CSMD1: variants seen among roughly 807,000 people sequenced by gnomAD.
CSMD1 encodes the protein CUB and Sushi multiple domains 1.
Under a neutral mutation model 417.5 loss-of-function variants are expected in CSMD1, and 213 were observed. The ratio of observed to expected loss-of-function variants is 0.51; its 90% CI spans 0.46 to 0.57. The LOEUF (loss-of-function observed/expected upper bound fraction) is 0.57, where lower values mean the gene tolerates loss of function less well. CSMD1 is among the 20% of genes least tolerant of loss of function. The pLI, the probability that CSMD1 is intolerant of heterozygous loss-of-function variation, is 0.00. For synonymous variants in CSMD1, 2,862 were observed against 1,736.8 expected (o/e 1.65, Z -16.11); for missense variants, 6,923 against 4,529.7 (o/e 1.53, Z -15.17).
In CSMD1 at chr8:2,936,091, T is replaced by C. The variant is rs1005140757; in HGVS notation, c.*2494A>G. 4 of 152,022 alleles carry C rather than the reference T, an allele frequency of 2.6e-5. No homozygotes were observed. The highest frequency in any genetic ancestry group is 7.2e-5 in the African/African-American group (3 of 41,390). The allele number at this position is 152,022 out of a possible 1,614,324, so 9.4% of individuals were successfully genotyped here. On this transcript the variant is annotated 3_prime_UTR_variant, in exon 70 of 70. Coordinates refer to ENST00000635120, the MANE Select transcript of CSMD1 (RefSeq NM_033225.6). Reference sequence around the variant, plus strand: ...ACTGCACACAACCTTAGGAAGAAACTAGGCAGAATTCTCACACGAGAATTT... The same window carrying C: ...ACTGCACACAACCTTAGGAAGAAACCAGGCAGAATTCTCACACGAGAATTT...
chr8:4,034,853 A>C (rs1442106202), intron 3 of CSMD1, among the ~76,000 whole-genome samples: 2 of 152,198 alleles, frequency 1.3e-5, no homozygotes, highest in Non-Finnish European at 2.9e-5. Flanking sequence ...TTGTTCCCCA[A>C]AGACACGGTT....
At chr8:3,988,513 G>C (rs912375738) in intron 5 of CSMD1, among the ~76,000 whole-genome samples, 2 of 152,190 alleles carry the variant, frequency 1.3e-5, no homozygotes, top group East Asian at 3.9e-4. Flanking sequence ...AGAGCTGAAC[G>C]ATTGTCAGAA....
chr8:4,003,856 C>T (rs933240491), intron 4 of CSMD1, among the ~76,000 whole-genome samples: 1 of 135,004 alleles, frequency 7.4e-6, no homozygotes, highest in Non-Finnish European at 1.6e-5. Context: ...TATTTAATCA[C>T]ATCCAAAACG....
intron 7 of CSMD1, among the ~76,000 whole-genome samples, chr8:3,627,430 G>C (rs976127176): frequency 1.3e-5 from 2 of 152,088 alleles, no homozygotes; most frequent in African/African-American, 2.4e-5. Flanking sequence ...TGAAATCACA[G>C]ACATTAACAT....
chr8:2,962,533 G>A lies in CSMD1; in HGVS notation c.9561C>T (p.Leu3187=), dbSNP rs748610054. The change falls in exon 61 of 70, where the codon CTC becomes CTT. Residue 3187 remains leucine (L), a synonymous_variant. Transcript: ENST00000635120. The part of the protein sequence containing the change: ...VFFQCKSPFI[L]VGSSRRVCQA... ...GGCAGACTCTTCTGGAGGATCCCAC[G>A]AGTATAAATGGAGATTTGCACTGGA... 1.8e-5 allele frequency: 29 copies of A among 1,613,752 alleles called. No individual in the cohort carries two copies. In the South Asian group the frequency reaches 1.9e-4, roughly 10 times the overall value.
chr8:4,604,412 C>T (rs115938231), intron 2 of CSMD1, among the ~76,000 whole-genome samples: 954 of 36,996 alleles, frequency 0.026, 9 homozygotes, highest in African/African-American at 0.059. Context: ...TGTGTGTGTG[C>T]GCGTGCGTAA....
At chr8:2,942,665 T>A in intron 68 of CSMD1, 61 bp from the exon 69 acceptor site, 2 of 1,311,396 alleles carry the variant, frequency 1.5e-6, no homozygotes, top group Non-Finnish European at 1.0e-6. Context: ...CAAATACATA[T>A]GATAAATTTT....
intron 1 of CSMD1, among the ~76,000 whole-genome samples, chr8:4,840,976 G>A (rs994680491): frequency 4.6e-5 from 7 of 152,142 alleles, no homozygotes; most frequent in African/African-American, 9.7e-5. Flanking sequence ...GGGCTAGTCC[G>A]ATAAGGAGCA....
intron 18 of CSMD1, among the ~76,000 whole-genome samples, chr8:3,382,507 T>TTATATATGTATAAATTTATATAAA (rs1810698038): frequency 7.6e-6 from 1 of 131,610 alleles, no homozygotes; most frequent in Non-Finnish European, 1.6e-5. Flanking sequence ...GTATATAAAT[T>TTATATATGTATAAATTTATATAAA]TATATATATA....
intron 3 of CSMD1, among the ~76,000 whole-genome samples, chr8:4,072,406 C>A (rs1206566148): frequency 6.6e-6 from 1 of 152,130 alleles, no homozygotes; most frequent in African/African-American, 2.4e-5. Context: ...ATGTACCAAG[C>A]ATTTTACACC....
At chr8:3,425,339 C>G (rs1225063782) in intron 12 of CSMD1, among the ~76,000 whole-genome samples, 1 of 151,346 alleles carries the variant, frequency 6.6e-6, no homozygotes, top group Non-Finnish European at 1.5e-5. Context: ...CCTGTAATCC[C>G]AGCACTTTGG....
Position 2,955,671 on chromosome 8 carries a change from T to C in CSMD1, c.9912A>G (p.Pro3304=). 6.2e-7 allele frequency: 1 copy of C among 1,613,952 alleles called. No individual in the cohort carries two copies. Among genetic ancestry groups the C allele is most frequent in the South Asian group, 1.1e-5 (1 of 91,084 alleles). ...CAGATCCCCCTGCGAGGAAAAAGCC[T>C]GGATGGCAGGTGTACACTAAGGTGT... ...FGYTLVYTCH[P]GFFLAGGSEH... The change falls in exon 64 of 70, where the codon CCA becomes CCG. Residue 3304 remains proline, a synonymous_variant. Transcript: ENST00000635120.
chr8:3,221,529 A>AAAAC (rs35213930), intron 28 of CSMD1, among the ~76,000 whole-genome samples: 47,609 of 150,158 alleles, frequency 0.32, 7,732 homozygotes, highest in East Asian at 0.52. Flanking sequence ...CAGACACAGG[A>AAAAC]AAACAAACAA....
chr8:3,321,660 T>G (rs1806163701), intron 23 of CSMD1, among the ~76,000 whole-genome samples: 2 of 152,118 alleles, frequency 1.3e-5, no homozygotes, highest in African/African-American at 2.4e-5. Flanking sequence ...TATTACTATA[T>G]TTAACTGGTG....
chr8:4,159,723 G>A (rs917103213), intron 3 of CSMD1, among the ~76,000 whole-genome samples: 9 of 152,110 alleles, frequency 5.9e-5, no homozygotes, highest in Non-Finnish European at 1.2e-4. Flanking sequence ...CGAGCAGCTG[G>A]GACTACAGGT....
chr8:4,868,656 A>G (rs1293407873), intron 1 of CSMD1, among the ~76,000 whole-genome samples: 2 of 152,096 alleles, frequency 1.3e-5, no homozygotes, highest in Non-Finnish European at 2.9e-5. Flanking sequence ...ATTGAAAATT[A>G]TTACCTAAGA....
At chr8:3,314,727 T>C (rs1450251897) in intron 23 of CSMD1, among the ~76,000 whole-genome samples, 1 of 152,228 alleles carries the variant, frequency 6.6e-6, no homozygotes, top group Non-Finnish European at 1.5e-5. Flanking sequence ...GCAGTCTTAA[T>C]ATTCTTAAGA....
chr8:4,485,423 A>G (rs186385108), intron 2 of CSMD1, among the ~76,000 whole-genome samples: 4 of 152,316 alleles, frequency 2.6e-5, no homozygotes, highest in African/African-American at 9.6e-5. Context: ...ACTCTCACAG[A>G]GAGAGGAAGG....
chr8:4,483,471 C>G (rs560296116), intron 2 of CSMD1, among the ~76,000 whole-genome samples: 1 of 152,262 alleles, frequency 6.6e-6, no homozygotes, highest in African/African-American at 2.4e-5. Context: ...ATATAACAGA[C>G]TTCTAATCGA....
Sources: gnomAD v4.1 joint callset for allele counts (sites outside exome capture counted in the v4.1 genomes callset) on GRCh38, gnomAD v4.1.1 for gene constraint, MANE v1.5 for transcripts, NCBI Gene and HGNC (gene_info 2026-07-23, HGNC 2026-07-21) for gene names.